Variants in HDAC9 observed in about 807,000 individuals in gnomAD.
HDAC9 encodes the protein histone deacetylase 9.
A neutral mutation model predicts 139.4 loss-of-function variants in HDAC9; 41 were observed. The observed-to-expected ratio is 0.29, with a 90% CI of 0.23 to 0.38. HDAC9 has a LOEUF of 0.38. HDAC9 is among the 10% of genes least tolerant of loss of function. The pLI is 1.00. For synonymous variants in HDAC9, 517 were observed against 476.2 expected (o/e 1.09, Z -1.12); for missense variants, 1,147 against 1,297.0 (o/e 0.88, Z 1.78).
At chr7:18,440,975 A>T (rs1481503812) in intron 1 of HDAC9, among the ~76,000 whole-genome samples, 1 of 152,210 alleles carries the variant, frequency 6.6e-6, no homozygotes, top group Non-Finnish European at 1.5e-5. Flanking sequence ...AATTAAGTGC[A>T]TTAGGGACAC....
In HDAC9 at chr7:18,733,070, T is replaced by G. The variant is rs541432161; in HGVS notation, c.1909+5313T>G. 7.5e-5 allele frequency among the ~76,000 whole-genome samples: 11 copies of G among 145,918 alleles called. No individual in the cohort carries two copies. The South Asian group carries it at 8.5e-4, about 11-fold the overall frequency. On this transcript the variant is annotated intron_variant, in intron 13 of 25. Transcript: ENST00000686413. ...ATATATACATGTGTATATACGTATATACACATGTATACACATATATACATG... is the reference window on the plus strand; with the variant it reads ...ATATATACATGTGTATATACGTATAGACACATGTATACACATATATACATG...
chr7:18,392,315 T>TCTCA (rs1554402177), intron 1 of HDAC9, among the ~76,000 whole-genome samples: 134 of 119,346 alleles, frequency 1.1e-3, no homozygotes, highest in Admixed American at 3.8e-3. Flanking sequence ...TCTCTCTCTC[T>TCTCA]CACACACACA....
intron 2 of HDAC9, among the ~76,000 whole-genome samples, chr7:18,553,466 A>G (rs577156546): frequency 1.2e-4 from 19 of 152,356 alleles, no homozygotes; most frequent in African/African-American, 4.3e-4. Context: ...TAAAGGCAAT[A>G]CGTGCTGCAG....
chr7:18,395,610 G>C (rs1786955523), intron 1 of HDAC9, among the ~76,000 whole-genome samples: 1 of 150,576 alleles, frequency 6.6e-6, no homozygotes, highest in Admixed American at 6.6e-5. Context: ...GTATTCTCAA[G>C]TTTGATTATT....
At chr7:18,975,020 T>C (rs959316990) in intron 24 of HDAC9, among the ~76,000 whole-genome samples, 8 of 152,214 alleles carry the variant, frequency 5.3e-5, no homozygotes, top group Admixed American at 3.3e-4. Flanking sequence ...GAGATTCTCC[T>C]GCTTTGATTT....
intron 2 of HDAC9, among the ~76,000 whole-genome samples, chr7:18,199,774 A>AG (rs1790984208): frequency 6.6e-6 from 1 of 150,722 alleles, no homozygotes; most frequent in African/African-American, 2.4e-5. Context: ...AAAAAAAAAA[A>AG]AAAAAGGCTG....
intron 2 of HDAC9, among the ~76,000 whole-genome samples, chr7:18,186,158 T>C (rs1789897061): frequency 6.6e-6 from 1 of 152,228 alleles, no homozygotes; most frequent in Non-Finnish European, 1.5e-5. Context: ...ATATTTCTTG[T>C]TATCGACTGG....
chr7:18,200,369 T>C (rs1791029391), intron 2 of HDAC9, among the ~76,000 whole-genome samples: 1 of 152,216 alleles, frequency 6.6e-6, no homozygotes, highest in Non-Finnish European at 1.5e-5. Flanking sequence ...GAGAGGTTTT[T>C]TCAATATTCT....
At chr7:18,756,917 T>G (rs1788930690) in intron 14 of HDAC9, among the ~76,000 whole-genome samples, 1 of 151,962 alleles carries the variant, frequency 6.6e-6, no homozygotes, top group African/African-American at 2.4e-5. Context: ...GAAGTACAGG[T>G]TATTACACGA....
At chr7:18,945,777 G>T (rs1782337737) in intron 23 of HDAC9, among the ~76,000 whole-genome samples, 1 of 151,654 alleles carries the variant, frequency 6.6e-6, no homozygotes, top group Non-Finnish European at 1.5e-5. Flanking sequence ...AGTGGCTCAT[G>T]CCTGTAATCC....
At chr7:18,470,313 CTT>C (rs1278932933) in intron 1 of HDAC9, among the ~76,000 whole-genome samples, 1 of 150,862 alleles carries the variant, frequency 6.6e-6, no homozygotes, top group East Asian at 2.0e-4. Context: ...ACCCCCAACT[CTT>C]AAAAAAAAAA....
chr7:18,937,909 A>G (rs1781754296), intron 23 of HDAC9, among the ~76,000 whole-genome samples: 1 of 152,208 alleles, frequency 6.6e-6, no homozygotes, highest in African/African-American at 2.4e-5. Flanking sequence ...TCTTAACCCA[A>G]CATTTCCAAT....
At chr7:18,407,154 G>GA (rs1719651988) in intron 1 of HDAC9, among the ~76,000 whole-genome samples, 1 of 151,984 alleles carries the variant, frequency 6.6e-6, no homozygotes, top group Non-Finnish European at 1.5e-5. Flanking sequence ...TTTCACTCCA[G>GA]ATCTTATTTA....
intron 16 of HDAC9, among the ~76,000 whole-genome samples, chr7:18,782,899 G>C (rs1230122892): frequency 6.6e-6 from 1 of 152,028 alleles, no homozygotes; most frequent in Non-Finnish European, 1.5e-5. Context: ...AAGTGGAACT[G>C]CTGGTTTACG....
intron 1 of HDAC9, among the ~76,000 whole-genome samples, chr7:18,149,756 G>A (rs1015224864): frequency 1.3e-5 from 2 of 151,902 alleles, no homozygotes; most frequent in African/African-American, 2.4e-5. Flanking sequence ...GGGTTTCACT[G>A]TGTTAGCCAG....
In HDAC9 at chr7:18,556,327, T is replaced by A. The variant is rs148038481; in HGVS notation, c.23-28954T>A. Among the ~76,000 whole-genome samples the A allele has an allele frequency of 3.5e-4, 54 of 152,210 alleles. No homozygotes were observed. In the East Asian group the frequency reaches 9.3e-3, roughly 26 times the overall value. ...AAGGTGAGTTCCTTAATATTACTTTTTATTAAATCATTTATTCATTCCTTC... is the reference window on the plus strand; with the variant it reads ...AAGGTGAGTTCCTTAATATTACTTTATATTAAATCATTTATTCATTCCTTC... On this transcript the variant is annotated intron_variant, in intron 2 of 25. Coordinates refer to ENST00000686413, the MANE Select transcript of HDAC9 (RefSeq NM_178425.4).
chr7:18,446,557 A>G (rs1299687131), intron 1 of HDAC9, among the ~76,000 whole-genome samples: 1 of 152,186 alleles, frequency 6.6e-6, no homozygotes, highest in Non-Finnish European at 1.5e-5. Flanking sequence ...ATTGTTTTCA[A>G]ATATATTATG....
intron 2 of HDAC9, among the ~76,000 whole-genome samples, chr7:18,571,627 T>A (rs1361695792): frequency 4.6e-5 from 7 of 152,068 alleles, no homozygotes; most frequent in African/African-American, 1.4e-4. Context: ...TTTTTTATTT[T>A]TTATTTTTTT....
intron 22 of HDAC9, among the ~76,000 whole-genome samples, chr7:18,929,010 G>A (rs1167808063): frequency 6.6e-6 from 1 of 151,718 alleles, no homozygotes; most frequent in Admixed American, 6.6e-5. Flanking sequence ...AGCTAGTTAA[G>A]GTTGTTTCCT....
Sources: allele counts gnomAD v4.1 joint callset (sites outside exome capture counted in the v4.1 genomes callset), GRCh38; gene constraint gnomAD v4.1.1; transcripts MANE v1.5; gene names NCBI Gene and HGNC (gene_info 2026-07-23, HGNC 2026-07-21).